Variants in TOMM70 observed in about 807,000 individuals in gnomAD.
The protein encoded by TOMM70 is translocase of outer mitochondrial membrane 70, also known as mitochondrial import receptor subunit TOM70.
TOMM70 carries 13 observed loss-of-function variants against 73.6 expected under a neutral mutation model. That is an observed-to-expected ratio of 0.18 (90% CI 0.11 to 0.28). The LOEUF (loss-of-function observed/expected upper bound fraction) is 0.28, where lower values mean the gene tolerates loss of function less well. TOMM70 is among the 10% of genes least tolerant of loss of function. The pLI, the probability that TOMM70 is intolerant of heterozygous loss-of-function variation, is 1.00. For missense variants in TOMM70, 609 were observed against 747.5 expected (o/e 0.81, Z 2.16); for synonymous variants, 257 against 271.2 (o/e 0.95, Z 0.51).
In TOMM70 at chr3:100,400,631, C is replaced by A; in HGVS notation, c.319G>T (p.Asp107Tyr). Residue 107 changes from aspartate to tyrosine, a missense_variant, in exon 1 of 12, where the codon GAC (aspartate) becomes TAC (tyrosine). By Grantham distance (160) the Asp-to-Tyr change is radical. Around this residue, in one of 2 missense-constraint regions of TOMM70, gnomAD observed 177 missense variants for 163.5 expected, o/e 1.08. Transcript: ENST00000284320. ...GHPEGPGAHL[D>Y]MNSLDRAQAA... ...GGCCTGGGGCTGCTTCTCACCATGT[C>A]CAAGTGAGCACCGGGACCTTCAGGG... The A allele has an allele frequency of 6.2e-7, 1 of 1,611,388 alleles. No homozygotes were observed.
chr3:100,391,523 T>A (rs1464599393), intron 1 of TOMM70, among the ~76,000 whole-genome samples: 1 of 152,148 alleles, frequency 6.6e-6, no homozygotes, highest in Admixed American at 6.5e-5. Flanking sequence ...AAAATTTTTT[T>A]AATAAGACAA....
chr3:100,365,868 CTAAG>C (rs887376278), intron 11 of TOMM70, 151 bp from the exon 12 acceptor site: 37 of 856,578 alleles, frequency 4.3e-5, no homozygotes, highest in Non-Finnish European at 6.2e-5. Context: ...AGTCTGACCA[CTAAG>C]TTTCTACTAT....
rs1219047494 is a variant in TOMM70 at position 100,386,795 on chromosome 3, G to C, written c.498+10C>G. 1.9e-6 allele frequency: 3 copies of C among 1,611,390 alleles called. No individual in the cohort carries two copies. The highest frequency in any genetic ancestry group is 2.2e-5 in the East Asian group (1 of 44,822). On this transcript the variant is annotated intron_variant, in intron 2 of 11. Coordinates refer to ENST00000284320, the MANE Select transcript of TOMM70 (RefSeq NM_014820.5). ...GAAAAGGAACAGAAGAAACAACCTAGAGTACATACCAACTGTTCAAAGGCA... is the reference window on the plus strand; with the variant it reads ...GAAAAGGAACAGAAGAAACAACCTACAGTACATACCAACTGTTCAAAGGCA...
intron 11 of TOMM70, among the ~76,000 whole-genome samples, chr3:100,366,406 CTA>C (rs146350603): frequency 1.3e-5 from 2 of 150,316 alleles, no homozygotes; most frequent in African/African-American, 2.4e-5. Context: ...TAAGTCCCTA[CTA>C]TATATATATA....
rs143990355 is a variant in TOMM70 at position 100,377,853 on chromosome 3, C to T, written c.944G>A (p.Ser315Asn). The T allele has an allele frequency of 6.2e-6, 10 of 1,614,086 alleles. No homozygotes were observed. The African/African-American group carries it at 1.1e-4, about 17-fold the overall frequency. Residue 315 changes from serine to asparagine, a missense_variant, in exon 6 of 12, where the codon AGT becomes AAT. Physicochemically the swap from Ser to Asn is conservative, Grantham distance 46. This residue lies in a region of TOMM70 where 432 missense variants were observed against 584.1 expected (regional missense o/e 0.74). Transcript: ENST00000284320. ...MEEENYDKII[S>N]ECSKEIDAEG... ...AGCATCTATTTCTTTTGAGCATTCA[C>T]TTATGATTTTATCGTAGTTTTCTTC...
chr3:100,378,057 C>T lies in TOMM70; in HGVS notation c.885-145G>A, dbSNP rs145775653. 5.5e-3 allele frequency: 3,368 copies of T among 617,814 alleles called. 11 individuals carry two copies. The highest frequency in any genetic ancestry group is 6.8e-3 in the Non-Finnish European group (2,474 of 362,920). 38.3% of individuals were successfully genotyped at this position (617,814 alleles called of 1,614,324 possible). A position where few individuals can be genotyped will look rare whatever the true frequency, so the allele number is the denominator to read the frequency against. ...GTCAGGCATTCGAGACCAGCCTGGC[C>T]AACATGGTGAAACCCGTCTCTACTA... On this transcript the variant is annotated intron_variant, in intron 5 of 11. Transcript: ENST00000284320.
chr3:100,379,010 TA>T (rs1706599470), intron 5 of TOMM70, among the ~76,000 whole-genome samples: 1 of 89,398 alleles, frequency 1.1e-5, no homozygotes, highest in Non-Finnish European at 1.9e-5. Flanking sequence ...CCGTCTCAAA[TA>T]AATAAATAAA....
chr3:100,388,401 C>T (rs1238382242), intron 1 of TOMM70, among the ~76,000 whole-genome samples: 3 of 152,176 alleles, frequency 2.0e-5, no homozygotes, highest in African/African-American at 7.2e-5. Flanking sequence ...CTGTGTCATT[C>T]AGGAGTGAGG....
At chr3:100,399,278 C>CA (rs200617536) in intron 1 of TOMM70, among the ~76,000 whole-genome samples, 3,776 of 91,090 alleles carry the variant, frequency 0.041, 253 homozygotes, top group East Asian at 0.37. Flanking sequence ...GACTCCATCT[C>CA]AAAAAAAAAA....
chr3:100,373,304 A>C (rs992293259), intron 8 of TOMM70, among the ~76,000 whole-genome samples: 1 of 152,116 alleles, frequency 6.6e-6, no homozygotes, highest in Non-Finnish European at 1.5e-5. Context: ...AAGCAGGGAG[A>C]CCAGTTCTGT....
intron 7 of TOMM70, among the ~76,000 whole-genome samples, chr3:100,374,439 A>G (rs1706541839): frequency 2.0e-5 from 3 of 152,202 alleles, no homozygotes; most frequent in Admixed American, 6.5e-5. Context: ...CTCTTCTGTT[A>G]TTATTAATGC....
At chr3:100,377,165 GA>G (rs1192178828) in intron 6 of TOMM70, among the ~76,000 whole-genome samples, 2 of 152,144 alleles carry the variant, frequency 1.3e-5, no homozygotes, top group African/African-American at 4.8e-5. Flanking sequence ...ACACTGAATA[GA>G]ATGTAACAAT....
intron 3 of TOMM70, among the ~76,000 whole-genome samples, chr3:100,385,270 C>T (rs3772693): frequency 0.24 from 36,252 of 152,172 alleles, 5,370 homozygotes; most frequent in Middle Eastern, 0.38. Flanking sequence ...CGTGACACTT[C>T]GATCAACCTC....
chr3:100,371,267 T>A (rs1706507239), intron 9 of TOMM70, among the ~76,000 whole-genome samples: 1 of 146,790 alleles, frequency 6.8e-6, no homozygotes, highest in African/African-American at 2.5e-5. Flanking sequence ...GTATTTTTTT[T>A]TTTTTTTTTT....
At chr3:100,373,719 T>C in intron 7 of TOMM70, 74 bp from the exon 8 acceptor site, 1 of 968,900 alleles carries the variant, frequency 1.0e-6, no homozygotes, top group Non-Finnish European at 1.6e-6. Context: ...ATCTCTATTA[T>C]TACACCTCAG....
intron 10 of TOMM70, among the ~76,000 whole-genome samples, chr3:100,368,583 T>C (rs1706473409): frequency 6.6e-6 from 1 of 152,162 alleles, no homozygotes; most frequent in Non-Finnish European, 1.5e-5. Context: ...TTCTTTCTTT[T>C]TGTTTTTTTT....
Position 100,401,054 on chromosome 3 carries a change from G to C in TOMM70, c.-105C>G. ...GAGGGAAGGAAAGCAATGAGCGAGC[G>C]AGCACGCTAGGCAGAGAGAGCGGAC... On this transcript the variant is annotated 5_prime_UTR_variant, in exon 1 of 12. Coordinates refer to ENST00000284320, the MANE Select transcript of TOMM70 (RefSeq NM_014820.5). 3 of 1,216,270 alleles carry C rather than the reference G, an allele frequency of 2.5e-6. No individual in the cohort carries two copies. The highest frequency in any genetic ancestry group is 2.0e-4 in the Middle Eastern group (1 of 4,916). The allele number at this position is 1,216,270 out of a possible 1,614,324, so 75.3% of individuals were successfully genotyped here.
At chr3:100,398,703 T>C (rs892609204) in intron 1 of TOMM70, among the ~76,000 whole-genome samples, 1 of 152,212 alleles carries the variant, frequency 6.6e-6, no homozygotes, top group African/African-American at 2.4e-5. Flanking sequence ...TTTAATCCTC[T>C]TATTCTACAG....
chr3:100,370,674 C>T (rs1469134586), intron 9 of TOMM70, among the ~76,000 whole-genome samples: 4 of 152,064 alleles, frequency 2.6e-5, no homozygotes, highest in African/African-American at 7.2e-5. Context: ...TACACACACA[C>T]GTACTGTATG....
Sources: allele counts gnomAD v4.1 joint callset (sites outside exome capture counted in the v4.1 genomes callset), GRCh38; gene constraint gnomAD v4.1.1; regional missense constraint gnomAD v4.1.1; transcripts MANE v1.5; gene names NCBI Gene and HGNC (gene_info 2026-07-23, HGNC 2026-07-21).